Variants in AGR2 observed in about 807,000 individuals in gnomAD.
AGR2 encodes the protein anterior gradient protein 2 homolog.
Under a neutral mutation model 25.9 loss-of-function variants are expected in AGR2, and 27 were observed. The ratio of observed to expected loss-of-function variants is 1.04; its 90% CI spans 0.77 to 1.44. The LOEUF is 1.44. Ranked by LOEUF, AGR2 falls within the 40% of genes most tolerant of loss-of-function variation. The probability of loss-of-function intolerance (pLI) is 0.00; values close to 1 mark genes in which losing one functional copy is unlikely to be tolerated. For synonymous variants in AGR2, 78 were observed against 72.0 expected, an observed-to-expected ratio of 1.08 and a Z score of -0.42; for missense variants, 182 against 200.9, an observed-to-expected ratio of 0.91 and a Z score of 0.57.
intron 7 of AGR2, 149 bp downstream of exon 7, chr7:16,794,787 A>C: frequency 6.6e-7 from 1 of 1,510,244 alleles, no homozygotes; most frequent in South Asian, 1.3e-5. Flanking sequence ...GATTTGCCTG[A>C]AGATGCAAGG....
At chr7:16,793,709 C>T (rs563808129) in intron 7 of AGR2, among the ~76,000 whole-genome samples, 3 of 152,312 alleles carry the variant, frequency 2.0e-5, no homozygotes, top group African/African-American at 7.2e-5. Context: ...CATAATGAAA[C>T]AGGCAGAGAG....
intron 5 of AGR2, among the ~76,000 whole-genome samples, chr7:16,799,382 G>A (rs972729467): frequency 4.6e-5 from 7 of 152,098 alleles, no homozygotes; most frequent in Admixed American, 3.3e-4. Context: ...GATTAGAGTT[G>A]GAAAGCCAGA....
intron 7 of AGR2, among the ~76,000 whole-genome samples, chr7:16,793,496 G>A (rs2115350364): frequency 6.6e-6 from 1 of 152,240 alleles, no homozygotes; most frequent in Admixed American, 6.5e-5. Context: ...ACTTCCAAAA[G>A]AATCCTTTTA....
chr7:16,802,787 T>G (rs1785171038), intron 1 of AGR2, among the ~76,000 whole-genome samples: 1 of 152,086 alleles, frequency 6.6e-6, no homozygotes, highest in Admixed American at 6.6e-5. Context: ...TAAATAGAGA[T>G]ATATTTTGAG....
intron 6 of AGR2, 92 bp downstream of exon 6, chr7:16,797,539 T>C: frequency 1.9e-6 from 2 of 1,069,996 alleles, no homozygotes; most frequent in Non-Finnish European, 2.8e-6. Flanking sequence ...ACATTGGCCA[T>C]GGCAACGTGG....
chr7:16,794,990 T>TG lies in AGR2; in HGVS notation c.423dup (p.Thr142HisfsTer21), dbSNP rs780215802. 1 of 1,614,170 alleles carries TG rather than the reference T, an allele frequency of 6.2e-7. No individual in the cohort carries two copies. Among genetic ancestry groups the TG allele is most frequent in the Non-Finnish European group, 8.5e-7 (1 of 1,179,970 alleles). On this transcript the variant is annotated frameshift_variant, in exon 7 of 8. Transcript: ENST00000419304. LOFTEE classifies it high-confidence loss of function. ...TAGAGACGATTTGAATATCTTCCAG[T>TG]GATATCGGCTCTAACTGTCAGAGAT...
chr7:16,800,787 A>G (rs1470591848), intron 4 of AGR2, among the ~76,000 whole-genome samples: 1 of 152,182 alleles, frequency 6.6e-6, no homozygotes. Context: ...AGTTTAAACC[A>G]AGTTTGGGAA....
chr7:16,798,759 T>G (rs1167786560), intron 5 of AGR2, among the ~76,000 whole-genome samples: 5 of 152,198 alleles, frequency 3.3e-5, no homozygotes, highest in Non-Finnish European at 7.3e-5. Context: ...AGCACAGGGC[T>G]TATTGCATGC....
At chr7:16,794,850 C>T in intron 7 of AGR2, 86 bp downstream of exon 7, 4 of 1,597,376 alleles carry the variant, frequency 2.5e-6, no homozygotes, top group Non-Finnish European at 3.4e-6. Context: ...CTCTCTCTCA[C>T]CTCACCATGC....
At position 16,799,740 on chromosome 7, in the gene AGR2, T is replaced by C. The variant is rs780402357; in HGVS notation, c.330+4A>G. ...ATGTTAGTAATGATGAAAAGGAAAC[T>C]TACAACCAGATTGAGGAGGACAAAC... On this transcript the variant is annotated splice_donor_region_variant and intron_variant, in intron 5 of 7. Transcript: ENST00000419304. 9 of 1,607,752 alleles carry C rather than the reference T, an allele frequency of 5.6e-6. No homozygotes were observed. In the African/African-American group the frequency reaches 9.4e-5, roughly 17 times the overall value.
chr7:16,801,624 A>G (rs757089478), intron 2 of AGR2, 34 bp downstream of exon 2: 2 of 1,613,214 alleles, frequency 1.2e-6, no homozygotes, highest in African/African-American at 2.7e-5. Context: ...CCAATTAAGT[A>G]GCAGTTGGAA....
intron 1 of AGR2, among the ~76,000 whole-genome samples, chr7:16,803,533 TAA>T (rs1431465239): frequency 6.6e-6 from 1 of 152,182 alleles, no homozygotes; most frequent in Non-Finnish European, 1.5e-5. Flanking sequence ...TAAGTGTTGC[TAA>T]GCTACCAGAT....
At chr7:16,802,482 A>T (rs927841477) in intron 1 of AGR2, among the ~76,000 whole-genome samples, 6 of 152,218 alleles carry the variant, frequency 3.9e-5, no homozygotes, top group African/African-American at 1.2e-4. Context: ...GCCATCCAAC[A>T]CAAAGCCCAT....
intron 6 of AGR2, among the ~76,000 whole-genome samples, chr7:16,797,345 A>T (rs1393595837): frequency 6.6e-6 from 1 of 152,360 alleles, no homozygotes; most frequent in East Asian, 1.9e-4. Context: ...AAATTTATCA[A>T]TATGTTTAAA....
intron 7 of AGR2, among the ~76,000 whole-genome samples, chr7:16,794,234 T>G (rs1785006048): frequency 1.2e-5 from 1 of 83,598 alleles, no homozygotes; most frequent in Non-Finnish European, 3.1e-5. Flanking sequence ...AGGAATGAAT[T>G]TCTAACTTTA....
At chr7:16,799,242 G>A (rs2115356956) in intron 5 of AGR2, among the ~76,000 whole-genome samples, 1 of 152,242 alleles carries the variant, frequency 6.6e-6, no homozygotes, top group East Asian at 1.9e-4. Flanking sequence ...TTGTTGGCTT[G>A]CTTTTAGAAG....
intron 7 of AGR2, 55 bp downstream of exon 7, chr7:16,794,881 C>T (rs369246792): frequency 1.2e-4 from 199 of 1,611,678 alleles, no homozygotes; most frequent in East Asian, 4.5e-5. Context: ...CCCATCACTA[C>T]AGCAATAGAG....
chr7:16,793,761 T>C (rs966654953), intron 7 of AGR2, among the ~76,000 whole-genome samples: 3 of 152,188 alleles, frequency 2.0e-5, no homozygotes, highest in Non-Finnish European at 4.4e-5. Flanking sequence ...TAACAAGTAA[T>C]GGAGCTACTG....
intron 6 of AGR2, among the ~76,000 whole-genome samples, chr7:16,797,363 T>C (rs954411026): frequency 6.6e-6 from 1 of 152,254 alleles, no homozygotes; most frequent in African/African-American, 2.4e-5. Context: ...AAATAGTGAA[T>C]AGGGTGCTTT....
Sources: gnomAD v4.1 joint callset for allele counts (sites outside exome capture counted in the v4.1 genomes callset) on GRCh38, gnomAD v4.1.1 for gene constraint, MANE v1.5 for transcripts, NCBI Gene and HGNC (gene_info 2026-07-23, HGNC 2026-07-21) for gene names.